The following RNF180 variants were observed in gnomAD, a reference collection of about 807,000 sequenced individuals.
The protein encoded by RNF180 is ring finger protein 180.
In RNF180, 38 loss-of-function variants were observed where a neutral mutation model predicts 59.2. The observed-to-expected ratio is 0.64, with a 90% CI of 0.50 to 0.84. The LOEUF is 0.84. Among genes scored for constraint, RNF180 ranks in the 40% least tolerant of loss-of-function variants. The pLI is 0.00. For synonymous variants in RNF180, 262 were observed against 240.3 expected, an observed-to-expected ratio of 1.09 and a Z score of -0.84; for missense variants, 705 against 700.9, an observed-to-expected ratio of 1.01 and a Z score of -0.07.
chr5:64,282,321 G>C (rs1742054467), intron 5 of RNF180, among the ~76,000 whole-genome samples: 1 of 152,116 alleles, frequency 6.6e-6, no homozygotes, highest in African/African-American at 2.4e-5. Context: ...AGATTTTCTA[G>C]TTTGTGTGCA....
chr5:64,297,291 AGGCCTGG>A (rs1742930962), intron 5 of RNF180, among the ~76,000 whole-genome samples: 1 of 152,042 alleles, frequency 6.6e-6, no homozygotes, highest in Non-Finnish European at 1.5e-5. Context: ...TTCTCACAAA[AGGCCTGG>A]TTTCTTACAT....
At chr5:64,312,949 G>A (rs185089442) in intron 5 of RNF180, among the ~76,000 whole-genome samples, 20 of 152,164 alleles carry the variant, frequency 1.3e-4, no homozygotes, top group African/African-American at 4.3e-4. Flanking sequence ...CTATATCTGG[G>A]TGTGGCCTTT....
chr5:64,315,192 A>G (rs1298156561), intron 5 of RNF180, among the ~76,000 whole-genome samples: 1 of 152,236 alleles, frequency 6.6e-6, no homozygotes, highest in Admixed American at 6.5e-5. Context: ...AACAAAAGTC[A>G]TTAAGTATTG....
intron 5 of RNF180, among the ~76,000 whole-genome samples, chr5:64,261,685 T>C (rs1163684274): frequency 6.6e-6 from 1 of 152,182 alleles, no homozygotes; most frequent in Non-Finnish European, 1.5e-5. Context: ...GTTACAAACA[T>C]ATGTTTTAAG....
At chr5:64,224,865 G>A (rs1201528289) in intron 5 of RNF180, among the ~76,000 whole-genome samples, 3 of 152,196 alleles carry the variant, frequency 2.0e-5, no homozygotes, top group African/African-American at 7.2e-5. Context: ...TTTGAAACAG[G>A]CTGTATACAG....
chr5:64,297,186 A>G (rs1250503030), intron 5 of RNF180, among the ~76,000 whole-genome samples: 1 of 151,994 alleles, frequency 6.6e-6, no homozygotes, highest in African/African-American at 2.4e-5. Context: ...CATATATGCT[A>G]TTCTTTTAAT....
chr5:64,177,842 A>T (rs1428572019), intron 1 of RNF180, among the ~76,000 whole-genome samples: 9 of 152,186 alleles, frequency 5.9e-5, no homozygotes, highest in Non-Finnish European at 1.5e-5. Context: ...AATGAGAGTC[A>T]TTATCATCCC....
At chr5:64,251,121 T>C (rs1029989211) in intron 5 of RNF180, among the ~76,000 whole-genome samples, 1 of 152,166 alleles carries the variant, frequency 6.6e-6, no homozygotes, top group Non-Finnish European at 1.5e-5. Flanking sequence ...TCTTTTGATA[T>C]AGAAAAAGCA....
Position 64,266,204 on chromosome 5 carries a change from C to T in RNF180, c.1227+48808C>T, listed in dbSNP as rs572945333. Among the ~76,000 whole-genome samples, 85 of 152,236 alleles carry T rather than the reference C, an allele frequency of 5.6e-4. 1 individual carries two copies. In the Middle Eastern group the frequency reaches 0.02, roughly 37 times the overall value. On this transcript the variant is annotated intron_variant, in intron 5 of 7. Transcript: ENST00000389100. ...GACTTCCTCTCTTCCTATGTGAATACGCTTTATTTATTTCTTTTGCCTGAT... is the reference window on the plus strand; with the variant it reads ...GACTTCCTCTCTTCCTATGTGAATATGCTTTATTTATTTCTTTTGCCTGAT...
chr5:64,202,832 C>T (rs990139552), intron 2 of RNF180, among the ~76,000 whole-genome samples: 3 of 152,176 alleles, frequency 2.0e-5, no homozygotes, highest in African/African-American at 7.2e-5. Context: ...AACCTATCAT[C>T]TCCATTTGCT....
chr5:64,322,386 T>C (rs1039514398), intron 5 of RNF180, among the ~76,000 whole-genome samples: 39 of 151,592 alleles, frequency 2.6e-4, no homozygotes, highest in Non-Finnish European at 1.2e-4. Context: ...AACAAACATA[T>C]GAAAAAAAGC....
At chr5:64,263,890 C>T (rs1744505039) in intron 5 of RNF180, among the ~76,000 whole-genome samples, 1 of 152,082 alleles carries the variant, frequency 6.6e-6, no homozygotes, top group Non-Finnish European at 1.5e-5. Context: ...ACATAAACAG[C>T]TTAGTGTTTT....
intron 7 of RNF180, among the ~76,000 whole-genome samples, chr5:64,352,897 G>C (rs1250355147): frequency 6.6e-6 from 1 of 151,816 alleles, no homozygotes; most frequent in African/African-American, 2.4e-5. Flanking sequence ...CATGGCAAAT[G>C]AATTAAACTC....
chr5:64,303,443 G>A (rs1489248163), intron 5 of RNF180, among the ~76,000 whole-genome samples: 1 of 151,604 alleles, frequency 6.6e-6, no homozygotes, highest in East Asian at 1.9e-4. Flanking sequence ...AGTTGTGAAA[G>A]CAAAGAAAAA....
chr5:64,267,950 A>G (rs1744785831), intron 5 of RNF180, among the ~76,000 whole-genome samples: 1 of 152,130 alleles, frequency 6.6e-6, no homozygotes. Flanking sequence ...ATATGATACA[A>G]TTTAAATAGA....
chr5:64,323,383 A>C (rs768371652), intron 5 of RNF180, among the ~76,000 whole-genome samples: 1 of 152,110 alleles, frequency 6.6e-6, no homozygotes, highest in African/African-American at 2.4e-5. Flanking sequence ...TCTACTAAAA[A>C]TACAAAGAAT....
intron 4 of RNF180, among the ~76,000 whole-genome samples, chr5:64,215,460 G>A (rs1485079565): frequency 2.0e-5 from 3 of 152,076 alleles, no homozygotes; most frequent in South Asian, 4.1e-4. Flanking sequence ...GCTTCAGATT[G>A]AGTGTTTTTG....
chr5:64,268,578 C>G lies in RNF180; in HGVS notation c.1227+51182C>G, dbSNP rs115781913. 3.2e-3 allele frequency among the ~76,000 whole-genome samples: 490 copies of G among 152,212 alleles called. 1 individual carries two copies. Among genetic ancestry groups the G allele is most frequent in the African/African-American group, 0.012 (482 of 41,548 alleles). ...TAAGTGATTCCTTAACTTTTAAAAT[C>G]AAAATACCCCTTATACATGGAGGAG... On this transcript the variant is annotated intron_variant, in intron 5 of 7. Transcript: ENST00000389100.
chr5:64,215,547 A>C (rs1489703985), intron 4 of RNF180, among the ~76,000 whole-genome samples: 1 of 152,072 alleles, frequency 6.6e-6, no homozygotes, highest in Non-Finnish European at 1.5e-5. Context: ...AACGCATTTC[A>C]GTTTGGTTTG....
Sources: gnomAD v4.1 joint callset for allele counts (sites outside exome capture counted in the v4.1 genomes callset) on GRCh38, gnomAD v4.1.1 for gene constraint, MANE v1.5 for transcripts, NCBI Gene and HGNC (gene_info 2026-07-23, HGNC 2026-07-21) for gene names.